NRXN3: variants seen among roughly 807,000 people sequenced by gnomAD.
NRXN3 encodes neurexin 3, also known as neurexin III.
Under a neutral mutation model 137.6 loss-of-function variants are expected in NRXN3, and 32 were observed. That is an observed-to-expected ratio of 0.23 (90% CI 0.18 to 0.31). The LOEUF (loss-of-function observed/expected upper bound fraction) is 0.31. Among genes scored for constraint, NRXN3 ranks in the 10% least tolerant of loss-of-function variants. NRXN3 has a pLI of 1.00. For synonymous variants in NRXN3, 798 were observed against 784.5 expected, an observed-to-expected ratio of 1.02 and a Z score of -0.29; for missense variants, 1,574 against 2,062.5, an observed-to-expected ratio of 0.76 and a Z score of 4.59.
chr14:79,660,156 C>A (rs1480970573), intron 16 of NRXN3, among the ~76,000 whole-genome samples: 1 of 152,110 alleles, frequency 6.6e-6, no homozygotes, highest in Non-Finnish European at 1.5e-5. Context: ...GACACATGAG[C>A]CAGCGGAGTT....
At chr14:78,560,175 A>C (rs1479995704) in intron 4 of NRXN3, among the ~76,000 whole-genome samples, 1 of 151,996 alleles carries the variant, frequency 6.6e-6, no homozygotes, top group Non-Finnish European at 1.5e-5. Context: ...TCTTTTCTTG[A>C]CTGTTTTCCT....
At chr14:79,126,148 A>G (rs1273306787) in intron 15 of NRXN3, among the ~76,000 whole-genome samples, 2 of 151,740 alleles carry the variant, frequency 1.3e-5, no homozygotes, top group South Asian at 2.1e-4. Flanking sequence ...TTTTTTTTCC[A>G]TAGTTCAGAG....
At chr14:79,530,595 T>G (rs1008839493) in intron 16 of NRXN3, among the ~76,000 whole-genome samples, 2 of 149,844 alleles carry the variant, frequency 1.3e-5, no homozygotes, top group African/African-American at 2.4e-5. Flanking sequence ...GGTTTTTTGT[T>G]TTTTTTTTTT....
intron 1 of NRXN3, among the ~76,000 whole-genome samples, chr14:78,193,341 G>A (rs1339536537): frequency 6.6e-6 from 1 of 152,104 alleles, no homozygotes; most frequent in Non-Finnish European, 1.5e-5. Context: ...ATCCAGATGC[G>A]ATTTTGCTTA....
At chr14:79,493,615 C>T (rs905208705) in intron 16 of NRXN3, among the ~76,000 whole-genome samples, 7 of 152,148 alleles carry the variant, frequency 4.6e-5, no homozygotes, top group Non-Finnish European at 7.3e-5. Context: ...CACTCTATCA[C>T]GGGATGAATA....
At chr14:79,004,234 T>G (rs182837140) in intron 15 of NRXN3, among the ~76,000 whole-genome samples, 3 of 152,292 alleles carry the variant, frequency 2.0e-5, no homozygotes, top group African/African-American at 7.2e-5. Flanking sequence ...TTGCATGGTG[T>G]TCATATAAAT....
At position 78,680,859 on chromosome 14, in the gene NRXN3, C is replaced by T. The variant is rs75388997; in HGVS notation, c.1222-28358C>T. On this transcript the variant is annotated intron_variant, in intron 6 of 20. Transcript: ENST00000335750. Reference sequence around the variant, plus strand: ...AGCATGTCTACAATCTGAGGAAATGCACCCTAAATTGATACCCTGATATTT... The same window carrying T: ...AGCATGTCTACAATCTGAGGAAATGTACCCTAAATTGATACCCTGATATTT... 3.6e-3 allele frequency among the ~76,000 whole-genome samples: 555 copies of T among 152,266 alleles called. 3 individuals are homozygous for T. The highest frequency in any genetic ancestry group is 0.013 in the African/African-American group (524 of 41,550).
intron 15 of NRXN3, among the ~76,000 whole-genome samples, chr14:79,257,348 G>C: frequency 1.1e-5 from 1 of 87,046 alleles, no homozygotes; most frequent in Non-Finnish European, 2.4e-5. Context: ...TATTCCTGGT[G>C]GTGGTGGTGG....
At chr14:79,468,973 G>C (rs1040474861) in intron 16 of NRXN3, among the ~76,000 whole-genome samples, 2 of 152,136 alleles carry the variant, frequency 1.3e-5, no homozygotes, top group South Asian at 4.1e-4. Flanking sequence ...AAGAAAGGCA[G>C]CCATACTTAC....
At chr14:78,950,651 A>G (rs2099385308) in intron 10 of NRXN3, among the ~76,000 whole-genome samples, 1 of 152,040 alleles carries the variant, frequency 6.6e-6, no homozygotes. Context: ...GAAAGAAGGA[A>G]GGAAGGAAAA....
At chr14:79,100,164 T>C (rs2051011526) in intron 15 of NRXN3, among the ~76,000 whole-genome samples, 1 of 152,198 alleles carries the variant, frequency 6.6e-6, no homozygotes. Context: ...CTGTCTGTCA[T>C]AATAAAGGAG....
At chr14:79,024,374 G>A (rs2099594806) in intron 15 of NRXN3, among the ~76,000 whole-genome samples, 1 of 152,034 alleles carries the variant, frequency 6.6e-6, no homozygotes, top group South Asian at 2.1e-4. Flanking sequence ...TCAAATTCAG[G>A]TTTTTAAATA....
intron 4 of NRXN3, among the ~76,000 whole-genome samples, chr14:78,575,113 G>C (rs1013875143): frequency 6.6e-6 from 1 of 152,146 alleles, no homozygotes; most frequent in Non-Finnish European, 1.5e-5. Context: ...GTCCCCTGCC[G>C]CCCTGTGAGG....
At chr14:79,239,002 TG>T (rs911406448) in intron 15 of NRXN3, among the ~76,000 whole-genome samples, 2 of 152,090 alleles carry the variant, frequency 1.3e-5, no homozygotes, top group Non-Finnish European at 2.9e-5. Flanking sequence ...CACTTTTCCA[TG>T]GGGGAAATGA....
intron 4 of NRXN3, chr14:78,602,455 A>G (rs1236282336): frequency 3.9e-5 from 6 of 152,158 alleles, no homozygotes; most frequent in Non-Finnish European, 7.3e-5. Flanking sequence ...TGATGGCAGC[A>G]GAGACTGAAC....
intron 19 of NRXN3, among the ~76,000 whole-genome samples, chr14:79,779,574 TCCA>T (rs1269736182): frequency 6.6e-6 from 1 of 152,180 alleles, no homozygotes; most frequent in African/African-American, 2.4e-5. Context: ...AGCCACATCC[TCCA>T]CCACTGTAGC....
At chr14:79,836,923 G>A (rs558991649) in intron 20 of NRXN3, among the ~76,000 whole-genome samples, 4 of 152,236 alleles carry the variant, frequency 2.6e-5, no homozygotes, top group Middle Eastern at 3.4e-3. Flanking sequence ...GCACAGTAAG[G>A]AGTCAACTGT....
chr14:79,096,867 C>A lies in NRXN3; in HGVS notation c.3262+108726C>A, dbSNP rs144547618. Among the ~76,000 whole-genome samples the A allele has an allele frequency of 1.4e-3, 218 of 152,178 alleles. 1 individual carries two copies. The highest frequency in any genetic ancestry group is 5.1e-3 in the African/African-American group (212 of 41,528). On this transcript the variant is annotated intron_variant, in intron 15 of 20. Transcript: ENST00000335750. ...GGTATTCTTGATCTCTCATGTCGAC[C>A]CCATTCTGCCACTGACAAATCTAGT...
intron 10 of NRXN3, among the ~76,000 whole-genome samples, chr14:78,913,671 C>T (rs2099247190): frequency 1.3e-5 from 2 of 152,068 alleles, no homozygotes; most frequent in African/African-American, 4.8e-5. Flanking sequence ...GGAATATAAC[C>T]ATGAGGTTTA....
Sources: gnomAD v4.1 joint callset for allele counts (sites outside exome capture counted in the v4.1 genomes callset) on GRCh38, gnomAD v4.1.1 for gene constraint, MANE v1.5 for transcripts, NCBI Gene and HGNC (gene_info 2026-07-23, HGNC 2026-07-21) for gene names.